MGRN1: variants seen among roughly 807,000 people sequenced by gnomAD.
MGRN1 encodes mahogunin ring finger 1, also known as E3 ubiquitin-protein ligase MGRN1.
A neutral mutation model predicts 69.2 loss-of-function variants in MGRN1; 29 were observed. The ratio of observed to expected loss-of-function variants is 0.42; its 90% confidence interval spans 0.31 to 0.57. The LOEUF is 0.57. Ranked by LOEUF, MGRN1 falls within the 20% of genes least tolerant of loss-of-function variation. MGRN1 has a pLI of 0.15. For synonymous variants in MGRN1, 470 were observed against 344.2 expected (o/e 1.37, Z -4.04); for missense variants, 998 against 796.2 (o/e 1.25, Z -3.05).
At chr16:4,642,042 C>G (rs749703859) in intron 1 of MGRN1, among the ~76,000 whole-genome samples, 1 of 151,890 alleles carries the variant, frequency 6.6e-6, no homozygotes, top group South Asian at 2.1e-4. Context: ...CCGTGTTGAT[C>G]ACGTAGACCC....
chr16:4,667,968 T>C (rs1264367239), intron 7 of MGRN1, among the ~76,000 whole-genome samples: 2 of 152,134 alleles, frequency 1.3e-5, no homozygotes, highest in African/African-American at 4.8e-5. Flanking sequence ...GGCATTCAGC[T>C]TGAGTGTGCT....
At chr16:4,648,850 C>G (rs529084004) in intron 1 of MGRN1, among the ~76,000 whole-genome samples, 102 of 139,036 alleles carry the variant, frequency 7.3e-4, no homozygotes, top group Non-Finnish European at 1.4e-3. Flanking sequence ...GGGGCTCTTC[C>G]CGTGGTCACC....
At chr16:4,687,495 T>G in intron 16 of MGRN1, 1 of 978,568 alleles carries the variant, frequency 1.0e-6, no homozygotes, top group South Asian at 4.7e-5. Flanking sequence ...CACTCCAGCC[T>G]GAGACGCTGT....
At chr16:4,668,776 ACATT>A (rs1246976548) in intron 8 of MGRN1, among the ~76,000 whole-genome samples, 2 of 152,034 alleles carry the variant, frequency 1.3e-5, no homozygotes, top group African/African-American at 4.8e-5. Context: ...ACACACATAG[ACATT>A]CATACACATA....
chr16:4,659,577 G>A (rs892442622), intron 5 of MGRN1, among the ~76,000 whole-genome samples: 46 of 152,230 alleles, frequency 3.0e-4, no homozygotes, highest in African/African-American at 1.0e-3. Context: ...CACTGGACCC[G>A]CCAGGGGGCC....
At chr16:4,647,231 C>G (rs538593442) in intron 1 of MGRN1, among the ~76,000 whole-genome samples, 2 of 152,182 alleles carry the variant, frequency 1.3e-5, no homozygotes, top group African/African-American at 4.8e-5. Context: ...GGCTCTGGGC[C>G]GGGCCCTGTC....
chr16:4,677,422 T>G (rs1596312120), intron 10 of MGRN1, 41 bp from the exon 11 acceptor site: 1 of 1,465,254 alleles, frequency 6.8e-7, no homozygotes, highest in South Asian at 1.3e-5. Flanking sequence ...CGGGGCTGGG[T>G]GTGTCGCCTG....
intron 3 of MGRN1, 131 bp from the exon 4 acceptor site, chr16:4,652,547 C>T: frequency 8.3e-7 from 1 of 1,199,974 alleles, no homozygotes; most frequent in South Asian, 1.6e-5. Context: ...GGAAACAGCC[C>T]CTATGTCTAC....
chr16:4,650,529 C>G (rs753862659), intron 2 of MGRN1, 46 bp downstream of exon 2: 3 of 1,461,476 alleles, frequency 2.1e-6, no homozygotes, highest in African/African-American at 2.9e-5. Flanking sequence ...GGGTGGGAGG[C>G]CCCTGTCCCC....
chr16:4,648,721 G>A (rs1209699649), intron 1 of MGRN1, among the ~76,000 whole-genome samples: 1 of 120,630 alleles, frequency 8.3e-6, no homozygotes, highest in Non-Finnish European at 1.7e-5. Context: ...GTGGTCACCC[G>A]GCTCCTCCTC....
At chr16:4,685,763 T>C (rs1185000577) in intron 16 of MGRN1, among the ~76,000 whole-genome samples, 1 of 152,256 alleles carries the variant, frequency 6.6e-6, no homozygotes, top group Non-Finnish European at 1.5e-5. Context: ...TGTCTGTGCG[T>C]AAGGCATGAA....
intron 16 of MGRN1, chr16:4,686,783 T>C: frequency 2.0e-6 from 2 of 991,156 alleles, no homozygotes; most frequent in Non-Finnish European, 2.4e-6. Context: ...GCATCGGTCC[T>C]GCAGCAGACA....
intron 3 of MGRN1, 35 bp downstream of exon 3, chr16:4,652,086 C>CTA (rs778121183): frequency 6.3e-7 from 1 of 1,593,122 alleles, no homozygotes; most frequent in Non-Finnish European, 8.6e-7. Flanking sequence ...CCCTGTGGCT[C>CTA]TGTGGGGCGC....
At chr16:4,654,255 T>C (rs962813012) in intron 4 of MGRN1, among the ~76,000 whole-genome samples, 18 of 152,252 alleles carry the variant, frequency 1.2e-4, no homozygotes, top group Admixed American at 6.5e-4. Context: ...GGAACAAATA[T>C]TAGAACAAAA....
intron 1 of MGRN1, among the ~76,000 whole-genome samples, chr16:4,648,175 T>C (rs1256725657): frequency 6.6e-6 from 1 of 152,176 alleles, no homozygotes; most frequent in Admixed American, 6.5e-5. Context: ...TTGAGGACCA[T>C]GTATTCTGAG....
Position 4,682,843 on chromosome 16 carries a change from C to G in MGRN1, c.1379C>G (p.Ser460Cys), listed in dbSNP as rs1411767909. The G allele has an allele frequency of 2.5e-6, 4 of 1,600,090 alleles. No homozygotes were observed. The highest frequency in any genetic ancestry group is 2.6e-6 in the Non-Finnish European group (3 of 1,170,088). Reference sequence around the variant, plus strand: ...CCCAGCACCCTACGGTCCCCGTCTTCCCCCATCCACGAAGAGGATGAGGAG... The same window carrying G: ...CCCAGCACCCTACGGTCCCCGTCTTGCCCCATCCACGAAGAGGATGAGGAG... Reference protein sequence around the residue: ...APDSTLRSPSSPIHEEDEEKL... With the variant: ...APDSTLRSPSCPIHEEDEEKL... The change falls in exon 14 of 17, where the codon TCC becomes TGC. Residue 460 changes from serine to cysteine, a missense_variant. By Grantham distance (112) the Ser-to-Cys change is moderately radical (BLOSUM62 -1). Coordinates refer to ENST00000262370, the MANE Select transcript of MGRN1 (RefSeq NM_015246.4).
At position 4,689,627 on chromosome 16, in the gene MGRN1, T is replaced by G. The variant is rs549894449; in HGVS notation, c.*719T>G. 6.6e-6 allele frequency: 1 copy of G among 152,334 alleles called. No homozygotes were observed. Among genetic ancestry groups the G allele is most frequent in the African/African-American group, 2.4e-5 (1 of 41,542 alleles). The allele number at this position is 152,334 out of a possible 1,614,324, so 9.4% of individuals were successfully genotyped here. A position where few individuals can be genotyped will look rare whatever the true frequency, so the allele number is the denominator to read the frequency against. On this transcript the variant is annotated 3_prime_UTR_variant, in exon 17 of 17. Transcript: ENST00000262370. ...TGGCCTTGTCACCAAGCTCCACACCTCCTCCTGGTGCTGGCTTTGGTGACA... is the reference window on the plus strand; with the variant it reads ...TGGCCTTGTCACCAAGCTCCACACCGCCTCCTGGTGCTGGCTTTGGTGACA...
At chr16:4,628,079 C>CAA (rs747646208) in intron 1 of MGRN1, among the ~76,000 whole-genome samples, 1,438 of 57,940 alleles carry the variant, frequency 0.025, 46 homozygotes, top group African/African-American at 0.088. Flanking sequence ...GACTCCGTCT[C>CAA]AAAAAAAAAA....
At chr16:4,657,658 A>G (rs527687982) in intron 5 of MGRN1, among the ~76,000 whole-genome samples, 6 of 151,802 alleles carry the variant, frequency 4.0e-5, no homozygotes, top group South Asian at 2.1e-4. Context: ...GGCTGCAGCA[A>G]TGCAGGGTCT....
Sources: gnomAD v4.1 joint callset for allele counts (sites outside exome capture counted in the v4.1 genomes callset) on GRCh38, gnomAD v4.1.1 for gene constraint, MANE v1.5 for transcripts, NCBI Gene and HGNC (gene_info 2026-07-23, HGNC 2026-07-21) for gene names.